The following OR1J2 variants were observed in gnomAD, a reference collection of about 807,000 sequenced individuals.
OR1J2 encodes olfactory receptor family 1 subfamily J member 2, also known as olfactory receptor 1J2.
For synonymous variants in OR1J2, 142 were observed against 99.7 expected (o/e 1.42, Z -2.52); for missense variants, 304 against 246.1 (o/e 1.24, Z -1.57).
the OR1J2 span, among the ~76,000 whole-genome samples, chr9:122,493,626 A>G: frequency 5.3e-5 from 8 of 152,070 alleles, no homozygotes; most frequent in East Asian, 1.5e-3. Flanking sequence ...TGGTCTATTA[A>G]TTTTATTTAT....
chr9:122,549,553 T>C, the OR1J2 span, among the ~76,000 whole-genome samples: 8 of 152,164 alleles, frequency 5.3e-5, no homozygotes, highest in Non-Finnish European at 1.2e-4. Flanking sequence ...GTGAGAAATA[T>C]GGGTCCAGTT....
At chr9:122,555,126 G>A in the OR1J2 span, among the ~76,000 whole-genome samples, 3 of 152,124 alleles carry the variant, frequency 2.0e-5, no homozygotes, top group African/African-American at 7.2e-5. Context: ...AAATTTGAGG[G>A]TTGGCACAAA....
At chr9:122,516,849 A>G in the OR1J2 span, among the ~76,000 whole-genome samples, 1,720 of 152,270 alleles carry the variant, frequency 0.011, 18 homozygotes, top group African/African-American at 0.039. Flanking sequence ...CTTTCTGCCC[A>G]ACTTCATTAT....
chr9:122,519,687 G>T, the OR1J2 span: 10 of 1,613,864 alleles, frequency 6.2e-6, no homozygotes, highest in African/African-American at 1.2e-4. Context: ...TGATCTTGTT[G>T]CCCTACTCAA....
At chr9:122,541,765 A>C in the OR1J2 span, among the ~76,000 whole-genome samples, 1 of 152,230 alleles carries the variant, frequency 6.6e-6, no homozygotes, top group African/African-American at 2.4e-5. Context: ...TCCCAGCCAG[A>C]TCACCCTGTG....
At chr9:122,493,411 A>G in the OR1J2 span, among the ~76,000 whole-genome samples, 3 of 152,206 alleles carry the variant, frequency 2.0e-5, no homozygotes, top group Admixed American at 6.5e-5. Context: ...GAGACTCTAT[A>G]TCTTCCTGGT....
the OR1J2 span, among the ~76,000 whole-genome samples, chr9:122,481,367 G>T: frequency 1.3e-5 from 2 of 151,984 alleles, no homozygotes; most frequent in East Asian, 3.9e-4. Flanking sequence ...ACATTAAAAT[G>T]AAGTTTCATT....
chr9:122,511,107 T>C lies in OR1J2; in HGVS notation c.306T>C (p.Tyr102=), dbSNP rs769840260. ...ILYEECISQM[Y]FFIFFTDLDS... ...ATGAGGAATGCATTTCTCAGATGTA[T>C]TTTTTTATATTTTTTACTGACCTGG... Residue 102 remains tyrosine, a synonymous_variant, in exon 1 of 1, where the codon TAT becomes TAC. Coordinates refer to ENST00000335302, the MANE Select transcript of OR1J2 (RefSeq NM_054107.1). The C allele has an allele frequency of 1.5e-5, 14 of 958,256 alleles. No individual in the cohort carries two copies. The Admixed American group carries it at 2.4e-4, about 17-fold the overall frequency. 59.4% of individuals were successfully genotyped at this position (958,256 alleles called of 1,614,324 possible). A position where few individuals can be genotyped will look rare whatever the true frequency, so the allele number is the denominator to read the frequency against.
At chr9:122,564,491 T>G in the OR1J2 span, among the ~76,000 whole-genome samples, 2 of 152,298 alleles carry the variant, frequency 1.3e-5, no homozygotes, top group Middle Eastern at 3.4e-3. Flanking sequence ...TAGTGTTGTA[T>G]CATTGGAGAA....
chr9:122,525,663 C>T, the OR1J2 span, among the ~76,000 whole-genome samples: 6,946 of 152,110 alleles, frequency 0.046, 219 homozygotes, highest in Middle Eastern at 0.075. Flanking sequence ...TGGCATTGCA[C>T]GTTTCTGACC....
chr9:122,532,247 A>T, the OR1J2 span, among the ~76,000 whole-genome samples: 2 of 152,146 alleles, frequency 1.3e-5, no homozygotes, highest in African/African-American at 4.8e-5. Context: ...AGCAGATGGA[A>T]CACTGAGAAG....
At chr9:122,485,010 G>A in the OR1J2 span, among the ~76,000 whole-genome samples, 5 of 152,136 alleles carry the variant, frequency 3.3e-5, no homozygotes, top group South Asian at 6.2e-4. Context: ...CAGCCTGGGT[G>A]ACAGAGTGAG....
chr9:122,458,209 G>T, the OR1J2 span, among the ~76,000 whole-genome samples: 1 of 152,112 alleles, frequency 6.6e-6, no homozygotes. Flanking sequence ...CTCTTAAAAT[G>T]TTATTCCCTT....
chr9:122,563,802 T>G, the OR1J2 span, among the ~76,000 whole-genome samples: 1 of 152,232 alleles, frequency 6.6e-6, no homozygotes, highest in Non-Finnish European at 1.5e-5. Flanking sequence ...TGGTAAGAGA[T>G]AGAGATCTAG....
chr9:122,515,593 T>C (rs1163782637), downstream of OR1J2, among the ~76,000 whole-genome samples: 1 of 152,126 alleles, frequency 6.6e-6, no homozygotes, highest in African/African-American at 2.4e-5. Flanking sequence ...TCTCATCTCA[T>C]CATTCATGTT....
the OR1J2 span, among the ~76,000 whole-genome samples, chr9:122,483,712 T>C: frequency 1.1e-4 from 17 of 152,220 alleles, no homozygotes; most frequent in African/African-American, 3.6e-4. Flanking sequence ...GTTTTAAAGG[T>C]CAGAAACAAA....
At chr9:122,535,106 AGAG>A in the OR1J2 span, among the ~76,000 whole-genome samples, 6 of 151,064 alleles carry the variant, frequency 4.0e-5, no homozygotes, top group Admixed American at 2.0e-4. Context: ...CCTAGAGAAA[AGAG>A]AGAGTAGAGA....
the OR1J2 span, among the ~76,000 whole-genome samples, chr9:122,535,620 G>T: frequency 1.3e-5 from 2 of 152,180 alleles, no homozygotes; most frequent in Non-Finnish European, 2.9e-5. Flanking sequence ...AAATTGGTGA[G>T]ATGTTTCTTG....
chr9:122,448,645 G>C, the OR1J2 span, among the ~76,000 whole-genome samples: 1 of 152,100 alleles, frequency 6.6e-6, no homozygotes, highest in Non-Finnish European at 1.5e-5. Flanking sequence ...AGTGCATTGT[G>C]CTCCTGGTTA....
Sources: gnomAD v4.1 joint callset for allele counts (sites outside exome capture counted in the v4.1 genomes callset) on GRCh38, gnomAD v4.1.1 for gene constraint, MANE v1.5 for transcripts, NCBI Gene and HGNC (gene_info 2026-07-23, HGNC 2026-07-21) for gene names.